The following PDGFD variants were observed in gnomAD, a reference collection of about 807,000 sequenced individuals.
PDGFD encodes the protein platelet-derived growth factor D.
In PDGFD, 30 loss-of-function variants were observed where a neutral mutation model predicts 44.7. That is an observed-to-expected ratio of 0.67 (90% CI 0.50 to 0.91). The LOEUF (loss-of-function observed/expected upper bound fraction) is 0.91, where lower values mean the gene tolerates loss of function less well. Ranked by LOEUF, PDGFD falls within the 40% of genes least tolerant of loss-of-function variation. The probability of loss-of-function intolerance (pLI) is 0.00; values close to 1 mark genes in which losing one functional copy is unlikely to be tolerated. For synonymous variants in PDGFD, 173 were observed against 168.4 expected (o/e 1.03, Z -0.21); for missense variants, 445 against 457.8 (o/e 0.97, Z 0.25).
chr11:103,947,262 T>C (rs1189705342), intron 4 of PDGFD, among the ~76,000 whole-genome samples: 1 of 152,216 alleles, frequency 6.6e-6, no homozygotes. Flanking sequence ...GAAAAGACCC[T>C]TGAAAATGCA....
intron 1 of PDGFD, among the ~76,000 whole-genome samples, chr11:104,085,757 A>G (rs1210197615): frequency 6.6e-6 from 1 of 152,166 alleles, no homozygotes; most frequent in Non-Finnish European, 1.5e-5. Context: ...TGGTTCTCAT[A>G]TCTCCTTCTG....
intron 1 of PDGFD, among the ~76,000 whole-genome samples, chr11:104,151,944 C>A (rs1231437380): frequency 6.6e-6 from 1 of 151,964 alleles, no homozygotes; most frequent in Non-Finnish European, 1.5e-5. Flanking sequence ...AAAAAAAAAT[C>A]CCAGGTCACA....
At chr11:104,149,466 G>A (rs1235228224) in intron 1 of PDGFD, among the ~76,000 whole-genome samples, 5 of 152,022 alleles carry the variant, frequency 3.3e-5, no homozygotes, top group African/African-American at 9.7e-5. Context: ...ACCCAAGTTC[G>A]GTGAATCAGT....
At chr11:103,961,285 G>A (rs939075791) in intron 3 of PDGFD, among the ~76,000 whole-genome samples, 1 of 152,134 alleles carries the variant, frequency 6.6e-6, no homozygotes, top group East Asian at 1.9e-4. Context: ...CATAGCAGAT[G>A]TTAATAAATA....
At chr11:104,067,657 A>G (rs361267) in intron 1 of PDGFD, among the ~76,000 whole-genome samples, 71,494 of 151,910 alleles carry the variant, frequency 0.47, 18,620 homozygotes, top group African/African-American at 0.71. Context: ...GGATAATTCC[A>G]AAAAATATTA....
intron 3 of PDGFD, among the ~76,000 whole-genome samples, chr11:103,951,252 A>G (rs1227931979): frequency 6.6e-6 from 1 of 152,188 alleles, no homozygotes; most frequent in East Asian, 1.9e-4. Flanking sequence ...TATAAAAATA[A>G]AACACCGAAC....
At chr11:104,083,917 G>A (rs1314764781) in intron 1 of PDGFD, among the ~76,000 whole-genome samples, 1 of 152,118 alleles carries the variant, frequency 6.6e-6, no homozygotes. Flanking sequence ...AAAGTATATT[G>A]TCAATACTGA....
intron 1 of PDGFD, among the ~76,000 whole-genome samples, chr11:104,083,032 ATCT>A (rs1421624935): frequency 6.6e-6 from 1 of 152,138 alleles, no homozygotes; most frequent in Non-Finnish European, 1.5e-5. Flanking sequence ...AATCTTCAAA[ATCT>A]TCTTTTTGTT....
At position 103,927,066 on chromosome 11, in the gene PDGFD, G is replaced by A; in HGVS notation, c.833C>T (p.Ser278Leu). 2.5e-6 allele frequency: 4 copies of A among 1,614,150 alleles called. No homozygotes were observed. Among genetic ancestry groups the A allele is most frequent in the Admixed American group, 1.7e-5 (1 of 60,020 alleles). Residue 278 changes from serine (S) to leucine (L), a missense_variant, in exon 6 of 7, where the codon TCG (serine) becomes TTG (leucine). Transcript: ENST00000393158. ...CTTCAGCTCTTCTCTTATATTGACC[G>A]AGTAATTCCTGGGAGTGCAACTGTA... is the stretch of plus-strand genomic sequence containing the variant. ...KRYSCTPRNY[S>L]VNIREELKLA...
At chr11:104,077,182 T>A (rs1158094873) in intron 1 of PDGFD, among the ~76,000 whole-genome samples, 1 of 151,922 alleles carries the variant, frequency 6.6e-6, no homozygotes, top group Non-Finnish European at 1.5e-5. Context: ...TGGAGAAAAA[T>A]TTTTAAGAAA....
chr11:104,119,509 T>C (rs1861724736), intron 1 of PDGFD, among the ~76,000 whole-genome samples: 1 of 44,686 alleles, frequency 2.2e-5, no homozygotes, highest in South Asian at 8.7e-4. Flanking sequence ...TAATATATAA[T>C]ATATTAATAT....
intron 1 of PDGFD, among the ~76,000 whole-genome samples, chr11:104,084,512 G>A (rs1298906764): frequency 6.6e-6 from 1 of 151,870 alleles, no homozygotes; most frequent in Non-Finnish European, 1.5e-5. Context: ...AGAAAAGCCT[G>A]AAAGGCATGC....
rs185646451 is a variant in PDGFD at position 104,149,712 on chromosome 11, C to T, written c.124+14092G>A. Among the ~76,000 whole-genome samples the T allele has an allele frequency of 5.5e-4, 83 of 152,196 alleles. No individual in the cohort carries two copies. The South Asian group carries it at 8.7e-3, about 16-fold the overall frequency. On this transcript the variant is annotated intron_variant, in intron 1 of 6. Coordinates refer to ENST00000393158, the MANE Select transcript of PDGFD (RefSeq NM_025208.5). ...TCATTTATTCATCCCAATTTCAACC[C>T]GTTTATTCCAGTTCCAGGGTCTCAG...
At chr11:103,939,882 C>G (rs77610268) in intron 5 of PDGFD, among the ~76,000 whole-genome samples, 2,247 of 152,136 alleles carry the variant, frequency 0.015, 52 homozygotes, top group African/African-American at 0.052. Flanking sequence ...ATACGCTACC[C>G]TTTTCTCCAT....
At chr11:104,007,363 T>G (rs756547590) in intron 1 of PDGFD, among the ~76,000 whole-genome samples, 4 of 152,202 alleles carry the variant, frequency 2.6e-5, no homozygotes, top group Non-Finnish European at 5.9e-5. Context: ...CCAATAAATG[T>G]ATGTGATAAT....
chr11:104,110,211 G>A (rs957328781), intron 1 of PDGFD, among the ~76,000 whole-genome samples: 4 of 152,104 alleles, frequency 2.6e-5, no homozygotes, highest in African/African-American at 7.2e-5. Flanking sequence ...AGCTGGGGAA[G>A]TTGATTCTCA....
intron 1 of PDGFD, among the ~76,000 whole-genome samples, chr11:104,123,760 G>A (rs575028583): frequency 6.6e-6 from 1 of 152,098 alleles, no homozygotes; most frequent in African/African-American, 2.4e-5. Flanking sequence ...ATTCCTTTGT[G>A]TTATATTCTT....
At chr11:104,090,776 C>G (rs759901189) in intron 1 of PDGFD, among the ~76,000 whole-genome samples, 6 of 152,014 alleles carry the variant, frequency 3.9e-5, no homozygotes, top group African/African-American at 7.3e-5. Flanking sequence ...ATAAATTACT[C>G]TTTCTTTTTG....
chr11:104,162,107 T>C (rs1425806774), intron 1 of PDGFD, among the ~76,000 whole-genome samples: 1 of 151,042 alleles, frequency 6.6e-6, no homozygotes, highest in Non-Finnish European at 1.5e-5. Flanking sequence ...TGGAGATGTA[T>C]AGAGTTTTAA....
Sources: gnomAD v4.1 joint callset for allele counts (sites outside exome capture counted in the v4.1 genomes callset) on GRCh38, gnomAD v4.1.1 for gene constraint, MANE v1.5 for transcripts, NCBI Gene and HGNC (gene_info 2026-07-23, HGNC 2026-07-21) for gene names.